The following RAD54B variants were observed in gnomAD, a reference collection of about 807,000 sequenced individuals.
RAD54B encodes the protein RAD54 homolog B, also known as DNA repair and recombination protein RAD54B.
A neutral mutation model predicts 95.8 loss-of-function variants in RAD54B; 78 were observed. That is an observed-to-expected ratio of 0.81 (90% CI 0.68 to 0.98). The LOEUF is 0.98. RAD54B is among the 50% of genes least tolerant of loss of function. The pLI, the probability that RAD54B is intolerant of heterozygous loss-of-function variation, is 0.00. For synonymous variants in RAD54B, 328 were observed against 354.9 expected (o/e 0.92, Z 0.85); for missense variants, 957 against 1,056.6 (o/e 0.91, Z 1.31).
At chr8:94,410,657 T>A (rs964186999) in intron 4 of RAD54B, among the ~76,000 whole-genome samples, 10 of 152,180 alleles carry the variant, frequency 6.6e-5, no homozygotes, top group Non-Finnish European at 1.2e-4. Context: ...CCAATTTCCA[T>A]ATGTTAATCT....
At chr8:94,462,540 T>A (rs370356206) in intron 2 of RAD54B, among the ~76,000 whole-genome samples, 1 of 152,186 alleles carries the variant, frequency 6.6e-6, no homozygotes, top group East Asian at 1.9e-4. Flanking sequence ...ATGTTCAATT[T>A]GTCCCAGATT....
At chr8:94,392,989 A>T (rs7840511) in intron 9 of RAD54B, among the ~76,000 whole-genome samples, 2,736 of 150,824 alleles carry the variant, frequency 0.018, 72 homozygotes, top group African/African-American at 0.062. Flanking sequence ...ATGCCCAGCT[A>T]ATTTTTGTAT....
intron 11 of RAD54B, among the ~76,000 whole-genome samples, chr8:94,383,584 ATTG>A (rs1475756398): frequency 6.6e-6 from 1 of 152,166 alleles, no homozygotes; most frequent in Non-Finnish European, 1.5e-5. Flanking sequence ...ATTATTAGTT[ATTG>A]TTGTTAATCT....
In RAD54B at chr8:94,393,902, A is replaced by T. The variant is rs772225225; in HGVS notation, c.1379-20T>A. The T allele has an allele frequency of 6.4e-7, 1 of 1,565,600 alleles. No individual in the cohort carries two copies. Among genetic ancestry groups the T allele is most frequent in the South Asian group, 1.2e-5 (1 of 82,976 alleles). ...GAGTACCTAAAGAGAGACAAAAATG[A>T]GTAAAAGGTCAAGTTTGTGTTTTAC... On this transcript the variant is annotated intron_variant, in intron 8 of 14. Coordinates refer to ENST00000336148, the MANE Select transcript of RAD54B (RefSeq NM_012415.3).
chr8:94,462,681 A>G lies in RAD54B; in HGVS notation c.136-4245T>C, dbSNP rs1209635392. 2.6e-5 allele frequency among the ~76,000 whole-genome samples: 4 copies of G among 152,206 alleles called. 1 individual carries two copies. Among genetic ancestry groups the G allele is most frequent in the African/African-American group, 9.7e-5 (4 of 41,434 alleles). Reference sequence around the variant, plus strand: ...AAGTTAAGAATGTAACAGACAAAGTAAAAAGACGGCAGAGTTGACTGCTAA... The same window carrying G: ...AAGTTAAGAATGTAACAGACAAAGTGAAAAGACGGCAGAGTTGACTGCTAA... On this transcript the variant is annotated intron_variant, in intron 2 of 14. Transcript: ENST00000336148.
At chr8:94,426,884 T>C (rs1811956572) in intron 3 of RAD54B, among the ~76,000 whole-genome samples, 1 of 152,220 alleles carries the variant, frequency 6.6e-6, no homozygotes, top group South Asian at 2.1e-4. Context: ...TAGTGAACTC[T>C]AGTAATACTC....
chr8:94,381,205 C>T (rs956336404), intron 11 of RAD54B, among the ~76,000 whole-genome samples: 2 of 152,132 alleles, frequency 1.3e-5, no homozygotes, highest in Non-Finnish European at 2.9e-5. Context: ...TACTAGAATA[C>T]CAGCAGCCAG....
At position 94,467,637 on chromosome 8, in the gene RAD54B, C is replaced by T. The variant is rs1448827994; in HGVS notation, c.-16-82G>A. The stretch of plus-strand genomic sequence containing the variant: ...ATATAAAAATAGCTCAAAACTACAA[C>T]TAAGATGGAACAGAAACCCCTCTTA... On this transcript the variant is annotated intron_variant, in intron 1 of 14. Coordinates refer to ENST00000336148, the MANE Select transcript of RAD54B (RefSeq NM_012415.3). The T allele has an allele frequency of 6.4e-6, 9 of 1,402,676 alleles. No homozygotes were observed. In the South Asian group the frequency reaches 1.2e-4, roughly 19 times the overall value. The allele number at this position is 1,402,676 out of a possible 1,614,324, so 86.9% of individuals were successfully genotyped here.
In RAD54B at chr8:94,378,283, A is replaced by C; in HGVS notation, c.2412T>G (p.Phe804Leu). 2 of 1,613,896 alleles carry C rather than the reference A, an allele frequency of 1.2e-6. No homozygotes were observed. The highest frequency in any genetic ancestry group is 1.1e-5 in the South Asian group (1 of 90,994). Residue 804 changes from phenylalanine to leucine, a missense_variant, in exon 14 of 15, where the codon TTT becomes TTG. Coordinates refer to ENST00000336148, the MANE Select transcript of RAD54B (RefSeq NM_012415.3). ...DLTKTSEHIQ[F>L]SVEELKNLFT... ...ACAAATTTTTAAGTTCTTCTACTGA[A>C]AACTGAATATGTTCAGATGTCTTGG...
At chr8:94,463,926 A>G (rs1191585268) in intron 2 of RAD54B, among the ~76,000 whole-genome samples, 2 of 151,388 alleles carry the variant, frequency 1.3e-5, no homozygotes, top group African/African-American at 4.8e-5. Context: ...AAGAAAGAAA[A>G]AAGAGAGAAA....
At chr8:94,381,019 T>C (rs985673374) in intron 11 of RAD54B, among the ~76,000 whole-genome samples, 1 of 152,196 alleles carries the variant, frequency 6.6e-6, no homozygotes, top group Non-Finnish European at 1.5e-5. Context: ...AGAGCCAATG[T>C]AGTGGCTTAT....
At chr8:94,455,751 C>T (rs7007534) in intron 3 of RAD54B, among the ~76,000 whole-genome samples, 14,403 of 152,162 alleles carry the variant, frequency 0.095, 1,130 homozygotes, top group East Asian at 0.33. Context: ...CTTTCTAGCC[C>T]CTGGTGGTTT....
chr8:94,389,375 A>T (rs965957630), intron 10 of RAD54B, among the ~76,000 whole-genome samples: 1 of 152,224 alleles, frequency 6.6e-6, no homozygotes, highest in African/African-American at 2.4e-5. Context: ...GAATTAATCC[A>T]TATGTGTTGA....
chr8:94,419,817 C>G (rs572295023), intron 3 of RAD54B, among the ~76,000 whole-genome samples: 1 of 150,786 alleles, frequency 6.6e-6, no homozygotes, highest in African/African-American at 2.4e-5. Context: ...TGAAATAAGC[C>G]CACTCACACT....
rs943160980 is a variant in RAD54B, at chr8:94,470,290, G to A, written c.-16-2735C>T. 4.0e-5 allele frequency among the ~76,000 whole-genome samples: 6 copies of A among 151,860 alleles called. 1 individual carries two copies. In the East Asian group the frequency reaches 5.8e-4, roughly 15 times the overall value. The stretch of plus-strand genomic sequence containing the variant: ...AGCCAGGCTAACATGGTGAAACCCC[G>A]TCTCTACTAAAAATATAAGAATTTG... On this transcript the variant is annotated intron_variant, in intron 1 of 14. Coordinates refer to ENST00000336148, the MANE Select transcript of RAD54B (RefSeq NM_012415.3).
chr8:94,417,296 T>C (rs1044297206), intron 3 of RAD54B, among the ~76,000 whole-genome samples: 1 of 152,096 alleles, frequency 6.6e-6, no homozygotes, highest in African/African-American at 2.4e-5. Context: ...TTCTGAGGTA[T>C]TGAAAATATT....
At chr8:94,409,813 A>C (rs768414951) in intron 4 of RAD54B, among the ~76,000 whole-genome samples, 39 of 152,190 alleles carry the variant, frequency 2.6e-4, no homozygotes, top group Non-Finnish European at 5.3e-4. Flanking sequence ...CTTAGGGGTA[A>C]AAGATATTCC....
intron 3 of RAD54B, among the ~76,000 whole-genome samples, chr8:94,433,877 A>G (rs1301926726): frequency 2.6e-5 from 4 of 151,864 alleles, no homozygotes; most frequent in African/African-American, 9.7e-5. Flanking sequence ...TGCTGGAACA[A>G]GTTCAAGCAG....
intron 3 of RAD54B, among the ~76,000 whole-genome samples, chr8:94,419,930 A>G (rs149462549): frequency 7.4e-4 from 113 of 152,294 alleles, no homozygotes; most frequent in Non-Finnish European, 1.5e-3. Flanking sequence ...TAACATCTTA[A>G]TACCATATTT....
Sources: gnomAD v4.1 joint callset for allele counts (sites outside exome capture counted in the v4.1 genomes callset) on GRCh38, gnomAD v4.1.1 for gene constraint, MANE v1.5 for transcripts, NCBI Gene and HGNC (gene_info 2026-07-23, HGNC 2026-07-21) for gene names.